The following ENOX2 variants were observed in gnomAD, a reference collection of about 807,000 sequenced individuals.
ENOX2 encodes the protein ecto-NOX disulfide-thiol exchanger 2.
ENOX2 carries 36 observed loss-of-function variants against 45.0 expected under a neutral mutation model. The observed-to-expected ratio is 0.80, with a 90% CI of 0.61 to 1.06. ENOX2 has a LOEUF of 1.06. Ranked by LOEUF, ENOX2 falls within the 50% of genes least tolerant of loss-of-function variation. The pLI is 0.00. For synonymous variants in ENOX2, 174 were observed against 152.3 expected (o/e 1.14, Z -1.05); for missense variants, 423 against 462.5 (o/e 0.91, Z 0.78).
intron 2 of ENOX2, among the ~76,000 whole-genome samples, chrX:130,830,397 A>T (rs761827390): frequency 1.1e-3 from 121 of 110,790 alleles, no homozygotes; most frequent in African/African-American, 3.6e-3. Context: ...CCCCCACTCC[A>T]CTCCACTTCC....
chrX:130,657,707 G>A (rs886714340), intron 9 of ENOX2, among the ~76,000 whole-genome samples: 2 of 112,020 alleles, frequency 1.8e-5, no homozygotes, highest in Non-Finnish European at 1.9e-5. Context: ...TACGACAAAC[G>A]AAAACAAAGT....
intron 9 of ENOX2, among the ~76,000 whole-genome samples, chrX:130,665,017 C>G (rs2036794283): frequency 8.9e-6 from 1 of 111,840 alleles, no homozygotes; most frequent in Non-Finnish European, 1.9e-5. Context: ...AATGGCAGAT[C>G]AGTGAAATCT....
At chrX:130,752,903 A>G (rs1188641683) in intron 3 of ENOX2, among the ~76,000 whole-genome samples, 1 of 108,225 alleles carries the variant, frequency 9.2e-6, no homozygotes, top group Non-Finnish European at 1.9e-5. Flanking sequence ...CTCTGTATGT[A>G]TCTCCCTCAC....
chrX:130,715,209 G>T (rs998707038), intron 3 of ENOX2, among the ~76,000 whole-genome samples: 2 of 111,506 alleles, frequency 1.8e-5, no homozygotes. Context: ...TAACTACATG[G>T]CCATGGTCTA....
chrX:130,650,315 T>C (rs2036365555), intron 10 of ENOX2, among the ~76,000 whole-genome samples: 1 of 112,030 alleles, frequency 8.9e-6, no homozygotes. Context: ...CAGTGATGGA[T>C]ACCTGCAGCA....
At chrX:130,869,853 G>A (rs1473035758) in intron 2 of ENOX2, among the ~76,000 whole-genome samples, 1 of 111,614 alleles carries the variant, frequency 9.0e-6, no homozygotes, top group Non-Finnish European at 1.9e-5. Flanking sequence ...AGAGCACAAA[G>A]TACATATTAA....
intron 2 of ENOX2, among the ~76,000 whole-genome samples, chrX:130,879,353 T>C (rs1202452315): frequency 9.0e-5 from 10 of 111,711 alleles, no homozygotes; most frequent in Non-Finnish European, 1.9e-4. Context: ...TTTCTTTACA[T>C]TCTCCCATTT....
intron 2 of ENOX2, among the ~76,000 whole-genome samples, chrX:130,859,083 G>A (rs958447324): frequency 3.6e-5 from 4 of 112,356 alleles, no homozygotes; most frequent in South Asian, 3.7e-4. Context: ...ATCCCAGCAC[G>A]TTGGGAGGCC....
chrX:130,798,907 T>G lies in ENOX2; in HGVS notation c.-182-15217A>C, dbSNP rs182183036. 4.1e-3 allele frequency among the ~76,000 whole-genome samples: 465 copies of G among 112,484 alleles called. 2 individuals are homozygous for G. The highest frequency in any genetic ancestry group is 0.014 in the African/African-American group (440 of 30,993). ...TCACACTGAATGTGGTTTGCCGATG[T>G]CACCTGTCACCTCAGTAATTCCATT... is the stretch of plus-strand genomic sequence containing the variant. On this transcript the variant is annotated intron_variant, in intron 2 of 14. Transcript: ENST00000394363.
chrX:130,794,878 A>G (rs2077096397), intron 2 of ENOX2, among the ~76,000 whole-genome samples: 1 of 112,309 alleles, frequency 8.9e-6, no homozygotes, highest in Non-Finnish European at 1.9e-5. Flanking sequence ...CTATGCTACA[A>G]TTTTAATTAT....
chrX:130,835,520 C>A (rs1355185745), intron 2 of ENOX2, among the ~76,000 whole-genome samples: 1 of 110,960 alleles, frequency 9.0e-6, no homozygotes, highest in African/African-American at 3.3e-5. Flanking sequence ...ACATATCTGT[C>A]TATTTAATAT....
intron 2 of ENOX2, among the ~76,000 whole-genome samples, chrX:130,847,055 G>A (rs1415589573): frequency 1.8e-5 from 2 of 112,272 alleles, no homozygotes; most frequent in Non-Finnish European, 3.8e-5. Context: ...CTCCTGAAAA[G>A]GTTGAATTGT....
intron 10 of ENOX2, among the ~76,000 whole-genome samples, chrX:130,654,810 T>G: frequency 8.9e-6 from 1 of 112,336 alleles, no homozygotes; most frequent in Middle Eastern, 4.6e-3. Context: ...TTCCAGTCTC[T>G]AAACGAATAA....
chrX:130,645,618 G>A, intron 10 of ENOX2: 1 of 387,966 alleles, frequency 2.6e-6, no homozygotes, highest in Non-Finnish European at 4.5e-6. Flanking sequence ...TGGGCCGCAG[G>A]CCATGGGGCC....
At chrX:130,835,771 C>T (rs1569507370) in intron 2 of ENOX2, among the ~76,000 whole-genome samples, 1 of 111,010 alleles carries the variant, frequency 9.0e-6, no homozygotes, top group Non-Finnish European at 1.9e-5. Flanking sequence ...CCATAACATC[C>T]CCTTTAGCTC....
chrX:130,824,789 C>T (rs1010477124), intron 2 of ENOX2, among the ~76,000 whole-genome samples: 5 of 111,451 alleles, frequency 4.5e-5, no homozygotes, highest in Admixed American at 3.8e-4. Flanking sequence ...TAATAAACCT[C>T]ACTAATAAAT....
chrX:130,748,886 A>G (rs1382086023), intron 3 of ENOX2, among the ~76,000 whole-genome samples: 2 of 111,618 alleles, frequency 1.8e-5, no homozygotes, highest in Non-Finnish European at 3.8e-5. Context: ...CTAAGAAACC[A>G]GGTCACTGCT....
chrX:130,710,270 G>A (rs2038155922), intron 3 of ENOX2, among the ~76,000 whole-genome samples: 1 of 111,779 alleles, frequency 8.9e-6, no homozygotes, highest in South Asian at 3.8e-4. Flanking sequence ...TCAAACCCAG[G>A]CAGTCTGGCT....
At chrX:130,741,707 T>C (rs2148315766) in intron 3 of ENOX2, among the ~76,000 whole-genome samples, 1 of 111,278 alleles carries the variant, frequency 9.0e-6, no homozygotes, top group East Asian at 2.8e-4. Flanking sequence ...TGGCGCATGC[T>C]TTCAAAATAG....
Sources: allele counts gnomAD v4.1 joint callset (sites outside exome capture counted in the v4.1 genomes callset), GRCh38; gene constraint gnomAD v4.1.1; transcripts MANE v1.5; gene names NCBI Gene and HGNC (gene_info 2026-07-23, HGNC 2026-07-21).